SRGAP2: variants seen among roughly 807,000 people sequenced by gnomAD.
SRGAP2 encodes the protein SLIT-ROBO Rho GTPase-activating protein 2.
A neutral mutation model predicts 57.2 loss-of-function variants in SRGAP2; 15 were observed. That is an observed-to-expected ratio of 0.26 (90% CI 0.18 to 0.40). The LOEUF is 0.40. SRGAP2 is among the 10% of genes least tolerant of loss of function. SRGAP2 has a pLI of 1.00. For synonymous variants in SRGAP2, 249 were observed against 248.0 expected (o/e 1.00, Z -0.04); for missense variants, 520 against 669.6 (o/e 0.78, Z 2.47).
chr1:206,339,330 G>T (rs1675004435), intron 3 of SRGAP2, among the ~76,000 whole-genome samples: 1 of 151,834 alleles, frequency 6.6e-6, no homozygotes, highest in Non-Finnish European at 1.5e-5. Context: ...GCATGTGATT[G>T]AACCTTGCTG....
chr1:206,272,883 A>T (rs1571733081), intron 2 of SRGAP2, among the ~76,000 whole-genome samples: 1 of 152,164 alleles, frequency 6.6e-6, no homozygotes, highest in Non-Finnish European at 1.5e-5. Context: ...CCCCCAGACC[A>T]TTGCGTTAAA....
chr1:206,421,420 A>T, intron 13 of SRGAP2, 146 bp downstream of exon 13: 1 of 487,642 alleles, frequency 2.1e-6, no homozygotes, highest in Non-Finnish European at 3.7e-6. Flanking sequence ...AGTATGTTTA[A>T]TATGGTGGCA....
chr1:206,435,722 A>G (rs907829550), intron 14 of SRGAP2, among the ~76,000 whole-genome samples: 1 of 152,218 alleles, frequency 6.6e-6, no homozygotes, highest in Non-Finnish European at 1.5e-5. Flanking sequence ...AAGGCTGACT[A>G]TCACTCATCA....
chr1:206,448,864 G>A (rs1662994757), intron 18 of SRGAP2, among the ~76,000 whole-genome samples: 1 of 152,094 alleles, frequency 6.6e-6, no homozygotes, highest in Admixed American at 6.6e-5. Context: ...TTGACAAAGA[G>A]GAATCTCCGT....
chr1:206,419,655 G>A (rs1431464949), intron 12 of SRGAP2, among the ~76,000 whole-genome samples: 1 of 152,100 alleles, frequency 6.6e-6, no homozygotes, highest in African/African-American at 2.4e-5. Context: ...TGCTGAAATT[G>A]TCCCAGAGAC....
At chr1:206,327,065 A>T (rs1673957254) in intron 3 of SRGAP2, among the ~76,000 whole-genome samples, 2 of 152,096 alleles carry the variant, frequency 1.3e-5, no homozygotes, top group South Asian at 4.1e-4. Context: ...GGTGGTTCAC[A>T]CCTGTAATCC....
chr1:206,424,393 G>T (rs547576754), intron 13 of SRGAP2, among the ~76,000 whole-genome samples: 9 of 152,180 alleles, frequency 5.9e-5, no homozygotes, highest in Non-Finnish European at 1.2e-4. Flanking sequence ...CAGTGCTCAC[G>T]CCTTTAGTCC....
At chr1:206,231,574 G>A (rs1571626914) in intron 2 of SRGAP2, among the ~76,000 whole-genome samples, 3 of 146,328 alleles carry the variant, frequency 2.1e-5, no homozygotes, top group Middle Eastern at 3.5e-3. Context: ...GTCTTGTTCT[G>A]TTGCCCAGGC....
rs1172683129 is a variant in SRGAP2, at chr1:206,461,143, TCAAAACCTC to T, written c.2941_2949del (p.Lys981_Ser983del). On this transcript the variant is annotated inframe_deletion, in exon 23 of 23. Coordinates refer to ENST00000573034, the MANE Select transcript of SRGAP2 (RefSeq NM_015326.5). ...GTGGTTCTGGACACCTTGGAGCCCC[TCAAAACCTC>T]CCCAGTGGTGGCCCCCACGTCAGAG... 3 of 780,450 alleles carry T rather than the reference TCAAAACCTC, an allele frequency of 3.8e-6. No individual in the cohort carries two copies. The highest frequency in any genetic ancestry group is 7.2e-6 in the Non-Finnish European group (3 of 417,812). The allele number at this position is 780,450 out of a possible 1,614,324, so 48.3% of individuals were successfully genotyped here. A position where few individuals can be genotyped will look rare whatever the true frequency, so the allele number is the denominator to read the frequency against.
intron 3 of SRGAP2, among the ~76,000 whole-genome samples, chr1:206,336,219 T>C (rs1266930395): frequency 1.0e-4 from 11 of 110,352 alleles, no homozygotes; most frequent in Non-Finnish European, 1.9e-5. Context: ...CTACCACTGC[T>C]TGAATCCTTT....
intron 16 of SRGAP2, 40 bp downstream of exon 16, chr1:206,438,138 A>C (rs782322520): frequency 1.3e-6 from 1 of 776,196 alleles, no homozygotes; most frequent in South Asian, 1.4e-5. Context: ...TCTGGGCTAC[A>C]GCACCGGTAG....
At chr1:206,273,738 G>A (rs1320632631) in intron 2 of SRGAP2, among the ~76,000 whole-genome samples, 2 of 146,886 alleles carry the variant, frequency 1.4e-5, no homozygotes, top group African/African-American at 5.4e-5. Context: ...CAGAGTTAAG[G>A]CTTCTAGGGG....
intron 7 of SRGAP2, among the ~76,000 whole-genome samples, chr1:206,398,175 G>A (rs1168470380): frequency 3.3e-5 from 5 of 151,792 alleles, no homozygotes; most frequent in African/African-American, 9.7e-5. Flanking sequence ...TGGAAAGCCT[G>A]CTTTGTCCCC....
intron 17 of SRGAP2, among the ~76,000 whole-genome samples, chr1:206,442,483 G>A (rs530265758): frequency 6.6e-6 from 1 of 152,308 alleles, no homozygotes; most frequent in Admixed American, 6.5e-5. Context: ...ATGGGGATGA[G>A]GGGAAAACAG....
At chr1:206,333,512 T>A (rs1246413977) in intron 3 of SRGAP2, 13 of 1,138,378 alleles carry the variant, frequency 1.1e-5, no homozygotes, top group Non-Finnish European at 1.7e-5. Flanking sequence ...CTCTGTGTCC[T>A]CCCTCTACCT....
Position 206,434,859 on chromosome 1 carries a change from C to G in SRGAP2, c.1556-2106C>G, listed in dbSNP as rs78921679. Among the ~76,000 whole-genome samples, 1,511 of 152,354 alleles carry G rather than the reference C, an allele frequency of 9.9e-3. 32 individuals are homozygous for G. Among genetic ancestry groups the G allele is most frequent in the African/African-American group, 0.035 (1,444 of 41,574 alleles). On this transcript the variant is annotated intron_variant, in intron 14 of 22. Coordinates refer to ENST00000573034, the MANE Select transcript of SRGAP2 (RefSeq NM_015326.5). ...ACCAAAAAGTATCAAGATGATGACG[C>G]TCTTTCAAGAATTTGTGCAATGGCT...
intron 21 of SRGAP2, 68 bp from the exon 22 acceptor site, chr1:206,458,555 C>A (rs1002858861): frequency 2.5e-5 from 17 of 673,766 alleles, no homozygotes; most frequent in East Asian, 2.4e-4. Context: ...CTGCCCCCTC[C>A]CACTTATCCT....
chr1:206,461,308 AACC>A lies in SRGAP2; in HGVS notation c.3109_3111del (p.Pro1037del). Reference sequence around the variant, plus strand: ...TCTGTCAAGATGGCTGCCCCGGTCAAACCACCAGCCACACGGCCCAAGCCCACT... The same window carrying A: ...TCTGTCAAGATGGCTGCCCCGGTCAAACCAGCCACACGGCCCAAGCCCACT... On this transcript the variant is annotated inframe_deletion, in exon 23 of 23. Transcript: ENST00000573034. 1.3e-6 allele frequency: 1 copy of A among 780,918 alleles called. No individual in the cohort carries two copies. The highest frequency in any genetic ancestry group is 2.4e-6 in the Non-Finnish European group (1 of 417,996). 48.4% of individuals were successfully genotyped at this position (780,918 alleles called of 1,614,324 possible). A position where few individuals can be genotyped will look rare whatever the true frequency, so the allele number is the denominator to read the frequency against.
chr1:206,244,679 ACCAT>A (rs1668435589), intron 2 of SRGAP2, among the ~76,000 whole-genome samples: 1 of 151,850 alleles, frequency 6.6e-6, no homozygotes, highest in Non-Finnish European at 1.5e-5. Flanking sequence ...CTGTATATAA[ACCAT>A]TTAATTTTTC....
Sources: allele counts gnomAD v4.1 joint callset (sites outside exome capture counted in the v4.1 genomes callset), GRCh38; gene constraint gnomAD v4.1.1; transcripts MANE v1.5; gene names NCBI Gene and HGNC (gene_info 2026-07-23, HGNC 2026-07-21).